The following TUSC3 variants were observed in gnomAD, a reference collection of about 807,000 sequenced individuals.
TUSC3 encodes dolichyl-diphosphooligosaccharide--protein glycosyltransferase subunit TUSC3.
Under a neutral mutation model 44.8 loss-of-function variants are expected in TUSC3, and 45 were observed. That is an observed-to-expected ratio of 1.00 (90% CI 0.79 to 1.29). The LOEUF (loss-of-function observed/expected upper bound fraction) is 1.29, where lower values mean the gene tolerates loss of function less well. TUSC3 is among the 50% of genes most tolerant of loss of function. TUSC3 has a pLI of 0.00. For missense variants in TUSC3, 519 were observed against 437.9 expected (o/e 1.19, Z -1.65); for synonymous variants, 212 against 152.9 (o/e 1.39, Z -2.85).
Position 15,666,048 on chromosome 8 carries a change from G to C in TUSC3, c.708+3752G>C, listed in dbSNP as rs116572498. ...TGGAGTAAAATATTGAAATACACTA[G>C]TACATAATTTCAAAAAGTGTAGCAT... is the stretch of plus-strand genomic sequence containing the variant. On this transcript the variant is annotated intron_variant, in intron 5 of 10. Transcript: ENST00000503731. 3.8e-3 allele frequency among the ~76,000 whole-genome samples: 574 copies of C among 151,534 alleles called. 5 individuals are homozygous for C. Among genetic ancestry groups the C allele is most frequent in the African/African-American group, 0.013 (534 of 41,454 alleles).
chr8:15,604,395 G>A (rs537446030), intron 1 of TUSC3, among the ~76,000 whole-genome samples: 1 of 151,566 alleles, frequency 6.6e-6, no homozygotes, highest in Non-Finnish European at 1.5e-5. Context: ...GACCTTATTC[G>A]ATGATAATTG....
intron 1 of TUSC3, among the ~76,000 whole-genome samples, chr8:15,421,132 C>T (rs1799733143): frequency 1.3e-5 from 2 of 152,150 alleles, no homozygotes; most frequent in Admixed American, 1.3e-4. Flanking sequence ...TGCAGTTCTT[C>T]CCCAGAGTAT....
intron 1 of TUSC3, among the ~76,000 whole-genome samples, chr8:15,420,674 C>G (rs1041986410): frequency 2.0e-5 from 3 of 152,066 alleles, no homozygotes; most frequent in African/African-American, 7.2e-5. Context: ...CATCTTTAAT[C>G]ATGATTCTCT....
At chr8:15,480,524 C>G (rs1213641994) in intron 1 of TUSC3, among the ~76,000 whole-genome samples, 2 of 152,172 alleles carry the variant, frequency 1.3e-5, no homozygotes, top group African/African-American at 4.8e-5. Context: ...ATAGCAGGAA[C>G]TCTTGCCTCA....
rs375331197 is a variant in TUSC3 at position 15,473,830 on chromosome 8, G to A, written n.92-9556G>A. ...AACTACTGATAAGGGTCTGTGTTCA[G>A]CTGTGCACATATTGTCTTGATAAAC... On this transcript the variant is annotated intron_variant and non_coding_transcript_variant, in intron 1 of 5. Coordinates refer to the TUSC3 transcript ENST00000503191. Among the ~76,000 whole-genome samples the A allele has an allele frequency of 1.8e-4, 27 of 152,306 alleles. No individual in the cohort carries two copies. The East Asian group carries it at 3.3e-3, about 19-fold the overall frequency.
chr8:15,472,333 A>T (rs1800504627), intron 1 of TUSC3, among the ~76,000 whole-genome samples: 1 of 152,230 alleles, frequency 6.6e-6, no homozygotes, highest in Admixed American at 6.5e-5. Flanking sequence ...GACCACAGAA[A>T]TGAACATAAA....
chr8:15,615,156 C>T (rs1161522045), intron 1 of TUSC3, among the ~76,000 whole-genome samples: 1 of 152,134 alleles, frequency 6.6e-6, no homozygotes, highest in Admixed American at 6.5e-5. Flanking sequence ...AGATACCTGT[C>T]CTCTCATGTT....
chr8:15,767,716 G>A (rs1011530724), downstream of TUSC3, among the ~76,000 whole-genome samples: 13 of 151,962 alleles, frequency 8.6e-5, no homozygotes, highest in Non-Finnish European at 1.9e-4. Context: ...ACCTATCTAG[G>A]GTCTTGCCTT....
chr8:15,703,062 G>T (rs955741813), intron 6 of TUSC3, among the ~76,000 whole-genome samples: 21 of 152,144 alleles, frequency 1.4e-4, no homozygotes, highest in Non-Finnish European at 1.9e-4. Context: ...AGACTCTGCT[G>T]TAGGGAAAAA....
chr8:15,757,841 ACT>A lies in TUSC3; in HGVS notation c.*35_*36del, dbSNP rs771002083. 22 of 1,385,336 alleles carry A rather than the reference ACT, an allele frequency of 1.6e-5. No homozygotes were observed. The highest frequency in any genetic ancestry group is 1.8e-4 in the Middle Eastern group (1 of 5,638). The allele number at this position is 1,385,336 out of a possible 1,614,324, so 85.8% of individuals were successfully genotyped here. On this transcript the variant is annotated 3_prime_UTR_variant, in exon 10 of 11. Transcript: ENST00000503731. ...GTGATTTGGACCATGGCACTTAAAA[ACT>A]CTATAACCTCAGGCAAGTCTTTTAA...
intron 2 of TUSC3, among the ~76,000 whole-genome samples, chr8:15,640,316 G>A (rs1016631354): frequency 2.0e-5 from 3 of 152,106 alleles, no homozygotes; most frequent in African/African-American, 7.2e-5. Context: ...AACTTATCTG[G>A]TTCACTTCAG....
At chr8:15,421,908 C>T (rs1467239472) in intron 1 of TUSC3, among the ~76,000 whole-genome samples, 1 of 152,116 alleles carries the variant, frequency 6.6e-6, no homozygotes, top group Non-Finnish European at 1.5e-5. Flanking sequence ...TTGAATGCAT[C>T]TTGAATTCAA....
At chr8:15,668,195 G>C (rs1223926364) in intron 5 of TUSC3, among the ~76,000 whole-genome samples, 1 of 151,738 alleles carries the variant, frequency 6.6e-6, no homozygotes, top group Non-Finnish European at 1.5e-5. Context: ...TATTTGTTGA[G>C]TGAGTGAAAG....
chr8:15,555,563 G>A (rs1187334427), intron 1 of TUSC3, among the ~76,000 whole-genome samples: 3 of 151,348 alleles, frequency 2.0e-5, no homozygotes, highest in Non-Finnish European at 4.4e-5. Flanking sequence ...CCAGAGTGCT[G>A]GGATTACAGT....
rs116290225 is a variant in TUSC3 at position 15,534,263 on chromosome 8, C to T, written n.189+50780C>T. The stretch of plus-strand genomic sequence containing the variant: ...TTATTTAAAGAGTCCGTAGAATTTA[C>T]TTTCATACTATAGAAATAATATCAG... On this transcript the variant is annotated intron_variant and non_coding_transcript_variant, in intron 2 of 5. Transcript: ENST00000503191. Among the ~76,000 whole-genome samples the T allele has an allele frequency of 8.7e-3, 1,329 of 152,252 alleles. 31 individuals carry two copies. The highest frequency in any genetic ancestry group is 0.029 in the African/African-American group (1,211 of 41,534).
intron 1 of TUSC3, among the ~76,000 whole-genome samples, chr8:15,419,841 T>C (rs1293633908): frequency 1.3e-5 from 2 of 152,202 alleles, no homozygotes; most frequent in African/African-American, 4.8e-5. Flanking sequence ...TAAAGATTAC[T>C]TCATACAATG....
At chr8:15,615,614 G>C (rs772911875) in intron 1 of TUSC3, among the ~76,000 whole-genome samples, 32 of 152,064 alleles carry the variant, frequency 2.1e-4, no homozygotes, top group Admixed American at 6.6e-4. Context: ...TAGAAGAGAG[G>C]ATTTCAGATG....
intron 10 of TUSC3, among the ~76,000 whole-genome samples, chr8:15,761,885 C>G (rs13254071): frequency 0.19 from 29,242 of 151,912 alleles, 3,677 homozygotes; most frequent in Non-Finnish European, 0.28. Context: ...TTTGTGAGAA[C>G]TATTATACTG....
intron 6 of TUSC3, among the ~76,000 whole-genome samples, chr8:15,687,082 A>G (rs1029497617): frequency 6.6e-6 from 1 of 150,988 alleles, no homozygotes; most frequent in East Asian, 1.9e-4. Flanking sequence ...CAAAAAAAAC[A>G]AAAAACAAAA....
Sources: gnomAD v4.1 joint callset for allele counts (sites outside exome capture counted in the v4.1 genomes callset) on GRCh38, gnomAD v4.1.1 for gene constraint, MANE v1.5 for transcripts, NCBI Gene and HGNC (gene_info 2026-07-23, HGNC 2026-07-21) for gene names.